The following AAGAB variants were observed in gnomAD, a reference collection of about 807,000 sequenced individuals.
The protein encoded by AAGAB is alpha- and gamma-adaptin-binding protein p34.
Under a neutral mutation model 44.1 loss-of-function variants are expected in AAGAB, and 38 were observed. The ratio of observed to expected loss-of-function variants is 0.86; its 90% CI spans 0.67 to 1.13. AAGAB has a LOEUF of 1.13. AAGAB is among the 50% of genes most tolerant of loss of function. AAGAB has a pLI of 0.00. For missense variants in AAGAB, 450 were observed against 373.8 expected (o/e 1.20, Z -1.68); for synonymous variants, 131 against 131.8 (o/e 0.99, Z 0.04).
chr15:67,209,302 G>A (rs907869983), intron 6 of AAGAB, among the ~76,000 whole-genome samples, 160 bp downstream of exon 6: 8 of 152,218 alleles, frequency 5.3e-5, no homozygotes, highest in Non-Finnish European at 1.2e-4. Context: ...AGGGCTTACT[G>A]CTTTAGCAAG....
intron 9 of AAGAB, among the ~76,000 whole-genome samples, chr15:67,203,182 G>A (rs1963606687): frequency 2.6e-5 from 4 of 152,136 alleles, no homozygotes; most frequent in African/African-American, 7.2e-5. Flanking sequence ...TGTCCAAAAG[G>A]GAACAGGATA....
rs1041516507 is a variant in AAGAB at position 67,254,271 on chromosome 15, A to G, written c.73+288T>C. 1.7e-5 allele frequency: 10 copies of G among 593,218 alleles called. No homozygotes were observed. The East Asian group carries it at 3.3e-4, about 20-fold the overall frequency. The allele number at this position is 593,218 out of a possible 1,614,324, so 36.7% of individuals were successfully genotyped here. A position where few individuals can be genotyped will look rare whatever the true frequency, so the allele number is the denominator to read the frequency against. On this transcript the variant is annotated intron_variant, in intron 1 of 9. Transcript: ENST00000261880. ...CAATTTCCGGAGAGCCTTCAGGTTC[A>G]TCTCAACGGATCCTCGCAAAAACCT... is the stretch of plus-strand genomic sequence containing the variant.
chr15:67,225,009 T>C lies in AAGAB; in HGVS notation c.535+6805A>G, dbSNP rs1324517242. Among the ~76,000 whole-genome samples, 4 of 152,360 alleles carry C rather than the reference T, an allele frequency of 2.6e-5. No individual in the cohort carries two copies. In the East Asian group the frequency reaches 7.7e-4, roughly 29 times the overall value. On this transcript the variant is annotated intron_variant, in intron 5 of 9. Transcript: ENST00000261880. ...AACACAGACTCTTACAAGTTAGAAC[T>C]AGAAGACTATCATTTATGTCAGTGG...
intron 9 of AAGAB, 80 bp downstream of exon 9, chr15:67,203,468 A>T: frequency 1.6e-6 from 2 of 1,216,668 alleles, no homozygotes; most frequent in South Asian, 2.6e-5. Flanking sequence ...CTTCAGAAAT[A>T]CACAAGTGTG....
intron 1 of AAGAB, among the ~76,000 whole-genome samples, chr15:67,249,211 T>C (rs7167097): frequency 0.46 from 69,698 of 151,702 alleles, 16,460 homozygotes; most frequent in Non-Finnish European, 0.52. Context: ...ATTTCTGCAT[T>C]TTTAGTAGAG....
chr15:67,253,753 CT>C (rs1964967614), intron 1 of AAGAB, among the ~76,000 whole-genome samples: 1 of 146,980 alleles, frequency 6.8e-6, no homozygotes, highest in South Asian at 2.3e-4. Context: ...GTTCCCGTCT[CT>C]TTAAAAAAAA....
chr15:67,233,018 A>G lies in AAGAB; in HGVS notation c.452-1121T>C, dbSNP rs1467317225. On this transcript the variant is annotated intron_variant, in intron 4 of 9. Coordinates refer to ENST00000261880, the MANE Select transcript of AAGAB (RefSeq NM_024666.5). The stretch of plus-strand genomic sequence containing the variant: ...CCAATGGAATCTATTTATATTCTGA[A>G]AATGTTAGATTCCACTTATTACACA... Among the ~76,000 whole-genome samples, 3 of 152,358 alleles carry G rather than the reference A, an allele frequency of 2.0e-5. No individual in the cohort carries two copies. In the East Asian group the frequency reaches 5.8e-4, roughly 29 times the overall value.
chr15:67,204,049 ATTTCC>A lies in AAGAB; in HGVS notation c.810_814del (p.Lys270AsnfsTer11). 6.3e-7 allele frequency: 1 copy of A among 1,588,264 alleles called. No individual in the cohort carries two copies. The highest frequency in any genetic ancestry group is 8.6e-7 in the Non-Finnish European group (1 of 1,157,006). On this transcript the variant is annotated frameshift_variant, in exon 8 of 10. Coordinates refer to ENST00000261880, the MANE Select transcript of AAGAB (RefSeq NM_024666.5). LOFTEE classifies it high-confidence loss of function. Reference sequence around the variant, plus strand: ...GACACAATGGATCTGATTACCTTTCATTTCCTTTAACTTTGAAAAGAGTCTTTCAA... The same window carrying A: ...GACACAATGGATCTGATTACCTTTCATTTAACTTTGAAAAGAGTCTTTCAA...
chr15:67,210,509 C>T (rs1179179287), intron 5 of AAGAB, among the ~76,000 whole-genome samples: 2 of 150,444 alleles, frequency 1.3e-5, no homozygotes, highest in Non-Finnish European at 3.0e-5. Flanking sequence ...GTGTGAGGCT[C>T]CGTCTCAAAA....
chr15:67,204,706 C>A (rs1416734402), intron 7 of AAGAB, among the ~76,000 whole-genome samples: 1 of 152,080 alleles, frequency 6.6e-6, no homozygotes, highest in African/African-American at 2.4e-5. Context: ...GATTTAAATT[C>A]ATATTTTCTT....
chr15:67,238,102 CT>C (rs1370455101), intron 1 of AAGAB, among the ~76,000 whole-genome samples: 1 of 151,700 alleles, frequency 6.6e-6, no homozygotes, highest in Non-Finnish European at 1.5e-5. Context: ...AAGGTCGGCC[CT>C]TTTTTTAGCA....
intron 6 of AAGAB, among the ~76,000 whole-genome samples, chr15:67,209,038 T>C (rs1372949987): frequency 1.3e-5 from 2 of 152,232 alleles, no homozygotes; most frequent in South Asian, 2.1e-4. Context: ...TGCTCTTGGC[T>C]CCAGCTGCTG....
chr15:67,222,282 A>ACACACACACACACACACC (rs796412643), intron 5 of AAGAB, among the ~76,000 whole-genome samples: 2,079 of 139,584 alleles, frequency 0.015, 54 homozygotes, highest in East Asian at 0.035. Flanking sequence ...ACACACACAC[A>ACACACACACACACACACC]CCCTCCACCC....
chr15:67,255,035 C>T, upstream of AAGAB: 1 of 1,309,114 alleles, frequency 7.6e-7, no homozygotes, highest in South Asian at 1.2e-5. Context: ...GACGCTCACC[C>T]ATTTGGTGCG....
At chr15:67,254,868 C>A (rs752444584), upstream of AAGAB, 3 of 1,610,610 alleles carry the variant, frequency 1.9e-6, no homozygotes, top group Non-Finnish European at 2.5e-6. Context: ...ACCGCGCCTC[C>A]GCGGAGGTAG....
At chr15:67,253,404 G>C (rs1964943108) in intron 1 of AAGAB, among the ~76,000 whole-genome samples, 1 of 151,982 alleles carries the variant, frequency 6.6e-6, no homozygotes, top group African/African-American at 2.4e-5. Flanking sequence ...CTACAGCCTG[G>C]GCAGCAGAGT....
At chr15:67,205,138 A>G (rs139911820) in intron 7 of AAGAB, among the ~76,000 whole-genome samples, 1 of 152,362 alleles carries the variant, frequency 6.6e-6, no homozygotes, top group Non-Finnish European at 1.5e-5. Context: ...ATTACTAGCG[A>G]TAAAGCCATG....
At chr15:67,253,969 A>G (rs1331382941) in intron 1 of AAGAB, among the ~76,000 whole-genome samples, 1 of 152,202 alleles carries the variant, frequency 6.6e-6, no homozygotes, top group Non-Finnish European at 1.5e-5. Context: ...TCTGACAGCC[A>G]TTATGAGGGT....
rs542125631 is a variant in AAGAB at position 67,234,318 on chromosome 15, C to T, written c.451+1661G>A. On this transcript the variant is annotated intron_variant, in intron 4 of 9. Coordinates refer to ENST00000261880, the MANE Select transcript of AAGAB (RefSeq NM_024666.5). ...CTCTACCAAGATAAGTTTATCACCA[C>T]CAATGTCTGGATGAAGACCTAAAAG... Among the ~76,000 whole-genome samples, 4 of 152,000 alleles carry T rather than the reference C, an allele frequency of 2.6e-5. No individual in the cohort carries two copies. The South Asian group carries it at 6.3e-4, about 24-fold the overall frequency.
Sources: allele counts gnomAD v4.1 joint callset (sites outside exome capture counted in the v4.1 genomes callset), GRCh38; gene constraint gnomAD v4.1.1; transcripts MANE v1.5; gene names NCBI Gene and HGNC (gene_info 2026-07-23, HGNC 2026-07-21).